HIVEP3: variants seen among roughly 807,000 people sequenced by gnomAD.
HIVEP3 encodes the protein HIVEP zinc finger 3.
HIVEP3 carries 49 observed loss-of-function variants against 152.8 expected under a neutral mutation model. The observed-to-expected ratio is 0.32, with a 90% CI of 0.26 to 0.41. The LOEUF (loss-of-function observed/expected upper bound fraction) is 0.41, where lower values mean the gene tolerates loss of function less well. Ranked by LOEUF, HIVEP3 falls within the 10% of genes least tolerant of loss-of-function variation. The probability of loss-of-function intolerance (pLI) is 1.00; values close to 1 mark genes in which losing one functional copy is unlikely to be tolerated. For synonymous variants in HIVEP3, 1,269 were observed against 1,289.0 expected, an observed-to-expected ratio of 0.98 and a Z score of 0.33; for missense variants, 2,790 against 3,103.3, an observed-to-expected ratio of 0.90 and a Z score of 2.40.
chr1:41,792,836 G>T (rs1236456890), intron 1 of HIVEP3, among the ~76,000 whole-genome samples: 1 of 152,244 alleles, frequency 6.6e-6, no homozygotes, highest in Non-Finnish European at 1.5e-5. Context: ...CAGAACCATA[G>T]CCAGAAATGC....
At chr1:41,692,345 C>A (rs1004398485) in intron 2 of HIVEP3, among the ~76,000 whole-genome samples, 8 of 152,178 alleles carry the variant, frequency 5.3e-5, no homozygotes, top group African/African-American at 1.9e-4. Flanking sequence ...GAAGTGCTTT[C>A]TGGTGTTCCC....
At chr1:41,759,079 A>T (rs2124241367) in intron 1 of HIVEP3, among the ~76,000 whole-genome samples, 1 of 152,204 alleles carries the variant, frequency 6.6e-6, no homozygotes, top group South Asian at 2.1e-4. Flanking sequence ...AAATTCCATA[A>T]TCATTAGCAG....
At chr1:41,625,330 T>C (rs917156789) in intron 3 of HIVEP3, among the ~76,000 whole-genome samples, 2 of 152,104 alleles carry the variant, frequency 1.3e-5, no homozygotes, top group Non-Finnish European at 2.9e-5. Flanking sequence ...AAGGGCCAAA[T>C]AGTAAGAACT....
chr1:41,890,670 T>A (rs1644432327), intron 1 of HIVEP3, among the ~76,000 whole-genome samples: 1 of 152,176 alleles, frequency 6.6e-6, no homozygotes, highest in Non-Finnish European at 1.5e-5. Flanking sequence ...TGGTAAGTGG[T>A]GGAGCTGGGA....
chr1:41,549,856 C>T (rs188299914), intron 5 of HIVEP3, among the ~76,000 whole-genome samples: 45 of 152,096 alleles, frequency 3.0e-4, no homozygotes, highest in Admixed American at 7.9e-4. Context: ...TTTCTTTTGC[C>T]GTGCAGAAGC....
rs199638139 is a variant in HIVEP3 at position 41,593,595 on chromosome 1, C to T, written c.-521-8277G>A. Among the ~76,000 whole-genome samples the T allele has an allele frequency of 3.9e-5, 6 of 152,346 alleles. No homozygotes were observed. In the East Asian group the frequency reaches 9.6e-4, roughly 24 times the overall value. On this transcript the variant is annotated intron_variant, in intron 3 of 8. Coordinates refer to ENST00000372583, the MANE Select transcript of HIVEP3 (RefSeq NM_024503.5). ...TTTTCATGGGGACTGGCAAATAGCT[C>T]TTCAAAAAGCAGAAATTTACACTTC...
intron 5 of HIVEP3, among the ~76,000 whole-genome samples, chr1:41,529,465 CCA>C (rs1198943499): frequency 7.9e-6 from 1 of 126,360 alleles, no homozygotes; most frequent in Admixed American, 7.8e-5. Context: ...CACACTCCCC[CCA>C]AACTCACACC....
At chr1:41,646,542 A>C (rs1645462957) in intron 2 of HIVEP3, among the ~76,000 whole-genome samples, 2 of 152,210 alleles carry the variant, frequency 1.3e-5, no homozygotes, top group African/African-American at 4.8e-5. Flanking sequence ...GTGTGCCTGC[A>C]GGAGACCATG....
At chr1:41,744,229 TG>T (rs1172289716) in intron 1 of HIVEP3, among the ~76,000 whole-genome samples, 1 of 152,102 alleles carries the variant, frequency 6.6e-6, no homozygotes, top group Non-Finnish European at 1.5e-5. Context: ...TTAGTAGAGA[TG>T]GGGTTTCACC....
intron 5 of HIVEP3, among the ~76,000 whole-genome samples, chr1:41,565,013 G>A (rs559375525): frequency 8.3e-4 from 127 of 152,338 alleles, no homozygotes; most frequent in South Asian, 3.9e-3. Context: ...AGCGTCAGGT[G>A]CTGCTGAACA....
At chr1:41,859,691 A>G (rs1643863420) in intron 1 of HIVEP3, among the ~76,000 whole-genome samples, 1 of 152,218 alleles carries the variant, frequency 6.6e-6, no homozygotes, top group Non-Finnish European at 1.5e-5. Flanking sequence ...TCAAACCTTC[A>G]TCTACGCTGA....
intron 3 of HIVEP3, among the ~76,000 whole-genome samples, chr1:41,624,789 A>G (rs1368322782): frequency 6.6e-6 from 1 of 152,200 alleles, no homozygotes; most frequent in Non-Finnish European, 1.5e-5. Context: ...TGCCCAGATA[A>G]TGTTGAACTG....
At position 41,597,026 on chromosome 1, in the gene HIVEP3, T is replaced by C. The variant is rs543512314; in HGVS notation, c.-521-11708A>G. Among the ~76,000 whole-genome samples the C allele has an allele frequency of 9.8e-5, 15 of 152,304 alleles. No homozygotes were observed. The East Asian group carries it at 2.7e-3, about 27-fold the overall frequency. The stretch of plus-strand genomic sequence containing the variant: ...GGATTTTTCACTGTCTGGGAGGCTC[T>C]TAAATCATTTCCCTTGGATGACTGG... On this transcript the variant is annotated intron_variant, in intron 3 of 8. Coordinates refer to ENST00000372583, the MANE Select transcript of HIVEP3 (RefSeq NM_024503.5).
chr1:41,849,228 G>C (rs1383595884), intron 1 of HIVEP3: 1 of 152,128 alleles, frequency 6.6e-6, no homozygotes, highest in East Asian at 1.9e-4. Flanking sequence ...TGTGCAGCAG[G>C]GTCACCAGAT....
At chr1:41,717,432 A>T (rs970833012) in intron 1 of HIVEP3, among the ~76,000 whole-genome samples, 1 of 152,266 alleles carries the variant, frequency 6.6e-6, no homozygotes, top group African/African-American at 2.4e-5. Context: ...AAGAAAATAC[A>T]GACAACTTGA....
In HIVEP3 at chr1:41,993,303, GA is replaced by G. The variant is rs1256572336; in HGVS notation, n.119+42503del. On this transcript the variant is annotated intron_variant and non_coding_transcript_variant, in intron 1 of 3. Coordinates refer to the HIVEP3 transcript ENST00000489103. ...ACAATGAACTCAAACAAATTTACAA[GA>G]AAAAAACAAACAACCCCATCAAAAA... Among the ~76,000 whole-genome samples, 36 of 151,004 alleles carry G rather than the reference GA, an allele frequency of 2.4e-4. 1 individual carries two copies. The highest frequency in any genetic ancestry group is 1.5e-4 in the Non-Finnish European group (10 of 67,670).
intron 1 of HIVEP3, among the ~76,000 whole-genome samples, chr1:41,701,824 T>C (rs1237792378): frequency 1.3e-5 from 2 of 152,230 alleles, no homozygotes; most frequent in African/African-American, 4.8e-5. Flanking sequence ...ATTTATGTCT[T>C]CTAGGCTTAA....
intron 2 of HIVEP3, among the ~76,000 whole-genome samples, chr1:41,690,743 C>T (rs1011821156): frequency 8.5e-5 from 13 of 152,232 alleles, no homozygotes; most frequent in Admixed American, 1.3e-4. Context: ...CATGGTGAAA[C>T]GCTGTCTCTA....
chr1:41,868,026 G>T (rs1644010680), intron 1 of HIVEP3, among the ~76,000 whole-genome samples: 1 of 150,376 alleles, frequency 6.6e-6, no homozygotes, highest in Admixed American at 6.7e-5. Flanking sequence ...GGTCATCCAG[G>T]TCCTATCACT....
Sources: gnomAD v4.1 joint callset for allele counts (sites outside exome capture counted in the v4.1 genomes callset) on GRCh38, gnomAD v4.1.1 for gene constraint, MANE v1.5 for transcripts, NCBI Gene and HGNC (gene_info 2026-07-23, HGNC 2026-07-21) for gene names.